Variants in IL1RAPL2 observed in about 807,000 individuals in gnomAD.
IL1RAPL2 encodes the protein interleukin 1 receptor accessory protein like 2.
A neutral mutation model predicts 44.1 loss-of-function variants in IL1RAPL2; 3 were observed. The ratio of observed to expected loss-of-function variants is 0.07; its 90% CI spans 0.03 to 0.18. The LOEUF (loss-of-function observed/expected upper bound fraction) is 0.18. Among genes scored for constraint, IL1RAPL2 ranks in the 10% least tolerant of loss-of-function variants. The pLI is 1.00. For missense variants in IL1RAPL2, 391 were observed against 496.4 expected (o/e 0.79, Z 2.02); for synonymous variants, 181 against 178.8 (o/e 1.01, Z -0.10).
At chrX:105,753,059 A>C in intron 9 of IL1RAPL2, 1 of 328,017 alleles carries the variant, frequency 3.0e-6, no homozygotes, top group Non-Finnish European at 5.9e-6. Context: ...ATCTTAGAAA[A>C]TGTAAGTATA....
intron 1 of IL1RAPL2, among the ~76,000 whole-genome samples, chrX:104,593,818 C>T (rs1928713595): frequency 8.9e-6 from 1 of 112,334 alleles, no homozygotes; most frequent in South Asian, 3.7e-4. Flanking sequence ...CAGTGTCCTA[C>T]ACTCTGGTAT....
chrX:105,361,313 A>G (rs958682770), intron 5 of IL1RAPL2, among the ~76,000 whole-genome samples: 1 of 111,632 alleles, frequency 9.0e-6, no homozygotes, highest in Admixed American at 9.6e-5. Context: ...AAATGGTCCT[A>G]GAGACAAGTG....
At chrX:105,740,186 C>CA (rs1383801242) in intron 7 of IL1RAPL2, among the ~76,000 whole-genome samples, 3 of 110,720 alleles carry the variant, frequency 2.7e-5, no homozygotes, top group Admixed American at 9.7e-5. Context: ...AATAGAGACA[C>CA]AAAAAACCCT....
intron 2 of IL1RAPL2, among the ~76,000 whole-genome samples, chrX:104,673,026 A>C (rs908940079): frequency 1.8e-5 from 2 of 110,534 alleles, no homozygotes; most frequent in South Asian, 3.8e-4. Context: ...GGTTGCAAAA[A>C]TTTTCTCCCA....
chrX:104,661,989 T>C (rs1602667991), intron 2 of IL1RAPL2, among the ~76,000 whole-genome samples: 1 of 112,368 alleles, frequency 8.9e-6, no homozygotes, highest in Non-Finnish European at 1.9e-5. Flanking sequence ...TCCCTTTCAC[T>C]GAGATCCCTA....
Position 105,752,200 on chromosome X carries a change from TCACA to T in IL1RAPL2, c.1193-2962_1193-2959del, listed in dbSNP as rs199910972. Among the ~76,000 whole-genome samples, 4 of 108,898 alleles carry T rather than the reference TCACA, an allele frequency of 3.7e-5. No homozygotes were observed. The South Asian group carries it at 1.1e-3, about 31-fold the overall frequency. The allele number at this position is 108,898 out of a possible 115,157, so 94.6% of individuals were successfully genotyped here. On this transcript the variant is annotated intron_variant, in intron 9 of 10. Transcript: ENST00000372582. ...TTCTTCATCTGGATCAACACTGCAG[TCACA>T]CACACACACACACATACTATAGTAG...
chrX:105,672,225 T>C (rs2037830464), intron 6 of IL1RAPL2, among the ~76,000 whole-genome samples: 1 of 112,253 alleles, frequency 8.9e-6, no homozygotes, highest in African/African-American at 3.2e-5. Context: ...TAGCTTCCAA[T>C]GTAAACCTAG....
chrX:105,394,128 A>G (rs979517106), intron 5 of IL1RAPL2, among the ~76,000 whole-genome samples: 3 of 112,531 alleles, frequency 2.7e-5, no homozygotes, highest in African/African-American at 6.4e-5. Flanking sequence ...TGGGCAGGCT[A>G]ATCATGCATT....
chrX:105,560,575 C>T (rs1442421437), intron 6 of IL1RAPL2, among the ~76,000 whole-genome samples: 3 of 110,134 alleles, frequency 2.7e-5, no homozygotes, highest in Non-Finnish European at 3.8e-5. Flanking sequence ...CCTGCCACCA[C>T]GCCCGGCTAA....
chrX:104,632,002 A>T (rs373741934), intron 1 of IL1RAPL2, among the ~76,000 whole-genome samples: 17 of 110,712 alleles, frequency 1.5e-4, no homozygotes, highest in East Asian at 2.8e-4. Flanking sequence ...TTAATCCATC[A>T]TGAATTAATT....
At chrX:104,621,317 T>C (rs1334613615) in intron 1 of IL1RAPL2, among the ~76,000 whole-genome samples, 1 of 108,397 alleles carries the variant, frequency 9.2e-6, no homozygotes, top group African/African-American at 3.4e-5. Context: ...ATATATAATA[T>C]TACATCTCAG....
chrX:105,685,801 A>C (rs1406040884), intron 6 of IL1RAPL2, among the ~76,000 whole-genome samples: 2 of 111,919 alleles, frequency 1.8e-5, no homozygotes, highest in African/African-American at 6.5e-5. Context: ...GCAGCCAGAG[A>C]GGAAGGTCGA....
chrX:105,766,726 G>T (rs2038733146), intron 10 of IL1RAPL2, among the ~76,000 whole-genome samples: 1 of 109,996 alleles, frequency 9.1e-6, no homozygotes, highest in Non-Finnish European at 1.9e-5. Context: ...CTCTGAAGAA[G>T]TCAGAGTTTA....
intron 4 of IL1RAPL2, among the ~76,000 whole-genome samples, chrX:105,252,498 T>G (rs941579947): frequency 8.9e-6 from 1 of 111,991 alleles, no homozygotes; most frequent in Non-Finnish European, 1.9e-5. Context: ...TTGCTCTTGA[T>G]CTTTCCCAAA....
chrX:104,907,194 T>C (rs1340719910), intron 2 of IL1RAPL2, among the ~76,000 whole-genome samples: 7 of 111,857 alleles, frequency 6.3e-5, no homozygotes, highest in Admixed American at 1.9e-4. Flanking sequence ...CTTCTCTCTC[T>C]TTTTCTTTAT....
intron 5 of IL1RAPL2, among the ~76,000 whole-genome samples, chrX:105,421,989 C>T (rs1026620855): frequency 5.3e-5 from 6 of 112,179 alleles, no homozygotes; most frequent in East Asian, 2.8e-4. Flanking sequence ...TCTAACAACA[C>T]GTTTACTACA....
At chrX:104,969,626 C>T (rs2030194428) in intron 2 of IL1RAPL2, among the ~76,000 whole-genome samples, 1 of 111,308 alleles carries the variant, frequency 9.0e-6, no homozygotes, top group Non-Finnish European at 1.9e-5. Context: ...TAATTAGAAT[C>T]CATTCTAAAA....
intron 2 of IL1RAPL2, among the ~76,000 whole-genome samples, chrX:104,675,811 A>G (rs1381260279): frequency 9.1e-6 from 1 of 110,190 alleles, no homozygotes; most frequent in Non-Finnish European, 1.9e-5. Flanking sequence ...TATGTAGGAT[A>G]GTTAGCTCTT....
intron 6 of IL1RAPL2, among the ~76,000 whole-genome samples, chrX:105,511,414 C>A (rs772230646): frequency 4.5e-5 from 5 of 111,294 alleles, no homozygotes; most frequent in Non-Finnish European, 5.7e-5. Flanking sequence ...CTATTTTGTG[C>A]TGTCCTATAT....
Sources: gnomAD v4.1 joint callset for allele counts (sites outside exome capture counted in the v4.1 genomes callset) on GRCh38, gnomAD v4.1.1 for gene constraint, MANE v1.5 for transcripts, NCBI Gene and HGNC (gene_info 2026-07-23, HGNC 2026-07-21) for gene names.